NECAB1: variants seen among roughly 807,000 people sequenced by gnomAD.
NECAB1 encodes the protein N-terminal EF-hand calcium-binding protein 1.
A neutral mutation model predicts 57.5 loss-of-function variants in NECAB1; 29 were observed. The observed-to-expected ratio is 0.50, with a 90% CI of 0.38 to 0.69. The LOEUF is 0.69. Among genes scored for constraint, NECAB1 ranks in the 30% least tolerant of loss-of-function variants. The pLI is 0.00. For synonymous variants in NECAB1, 142 were observed against 147.7 expected (o/e 0.96, Z 0.28); for missense variants, 372 against 413.8 (o/e 0.90, Z 0.88).
intron 5 of NECAB1, among the ~76,000 whole-genome samples, chr8:90,909,064 T>C (rs1809763959): frequency 6.6e-6 from 1 of 152,164 alleles, no homozygotes; most frequent in Admixed American, 6.6e-5. Context: ...AGTAAGCACG[T>C]TCTTCTGAAC....
At chr8:90,914,593 C>T (rs1406959711) in intron 5 of NECAB1, among the ~76,000 whole-genome samples, 1 of 152,208 alleles carries the variant, frequency 6.6e-6, no homozygotes, top group East Asian at 1.9e-4. Flanking sequence ...ATGTATCAAC[C>T]AACTGGGTTC....
chr8:90,943,037 A>C (rs188514014), intron 10 of NECAB1, among the ~76,000 whole-genome samples: 38 of 140,812 alleles, frequency 2.7e-4, no homozygotes, highest in African/African-American at 1.1e-3. Context: ...TGCATGTTTT[A>C]TATTTATAAA....
chr8:90,859,000 T>A (rs982839705), intron 3 of NECAB1: 2 of 152,146 alleles, frequency 1.3e-5, no homozygotes, highest in Non-Finnish European at 2.9e-5. Context: ...GAAATTCCTT[T>A]GGAATTCCCC....
intron 6 of NECAB1, among the ~76,000 whole-genome samples, 187 bp from the exon 7 acceptor site, chr8:90,925,346 CTT>C (rs1304673243): frequency 1.3e-5 from 2 of 152,186 alleles, no homozygotes; most frequent in Non-Finnish European, 2.9e-5. Flanking sequence ...TCAGAATTCT[CTT>C]TCTTAGGTTC....
chr8:90,798,768 C>T (rs1193715802), intron 1 of NECAB1, among the ~76,000 whole-genome samples: 2 of 152,134 alleles, frequency 1.3e-5, no homozygotes, highest in East Asian at 3.9e-4. Context: ...ATACGAGTGC[C>T]ATGTGTCTTT....
chr8:90,796,023 C>A (rs573773418), intron 1 of NECAB1, among the ~76,000 whole-genome samples: 9 of 152,290 alleles, frequency 5.9e-5, no homozygotes, highest in Admixed American at 5.2e-4. Context: ...TACACTTAGT[C>A]TTACTGTTAT....
rs1053144800 is a variant in NECAB1 at position 90,957,294 on chromosome 8, G to A, written c.*1782G>A. On this transcript the variant is annotated 3_prime_UTR_variant, in exon 13 of 13. Transcript: ENST00000417640. Reference sequence around the variant, plus strand: ...TTATAGCCAATCAAAACATTGCTTTGGTTGGTGCATTTAAGTATCCAACTC... The same window carrying A: ...TTATAGCCAATCAAAACATTGCTTTAGTTGGTGCATTTAAGTATCCAACTC... 1 of 151,846 alleles carries A rather than the reference G, an allele frequency of 6.6e-6. No homozygotes were observed. Among genetic ancestry groups the A allele is most frequent in the Admixed American group, 6.6e-5 (1 of 15,202 alleles). The allele number at this position is 151,846 out of a possible 1,614,324, so 9.4% of individuals were successfully genotyped here.
intron 8 of NECAB1, among the ~76,000 whole-genome samples, chr8:90,931,018 C>A (rs1810392350): frequency 8.0e-6 from 1 of 124,884 alleles, no homozygotes; most frequent in Non-Finnish European, 1.6e-5. Flanking sequence ...CAAACTTATG[C>A]CTTTTTTTCT....
At chr8:90,872,090 A>G (rs1808631266) in intron 3 of NECAB1, 38 bp from the exon 4 acceptor site, 1 of 1,493,414 alleles carries the variant, frequency 6.7e-7, no homozygotes, top group Non-Finnish European at 9.1e-7. Flanking sequence ...AATATTACCA[A>G]AGTAATAACA....
chr8:90,915,955 C>A (rs1198818129), intron 5 of NECAB1, among the ~76,000 whole-genome samples: 1 of 152,218 alleles, frequency 6.6e-6, no homozygotes, highest in Non-Finnish European at 1.5e-5. Flanking sequence ...TTTATTCTAG[C>A]CATTCTGGCA....
chr8:90,808,649 T>C (rs1811898389), intron 2 of NECAB1, among the ~76,000 whole-genome samples: 2 of 138,942 alleles, frequency 1.4e-5, no homozygotes, highest in African/African-American at 2.7e-5. Flanking sequence ...TCTTTTTTTT[T>C]TTTTTTTTTT....
chr8:90,792,019 T>G, intron 1 of NECAB1, 34 bp downstream of exon 1: 104 of 1,503,146 alleles, frequency 6.9e-5, no homozygotes, highest in Middle Eastern at 3.4e-4. Flanking sequence ...GGCGGTTGCT[T>G]CCCAGCACCT....
At chr8:90,872,393 G>A (rs958787545) in intron 4 of NECAB1, 86 of 382,696 alleles carry the variant, frequency 2.2e-4, no homozygotes, top group African/African-American at 1.2e-3. Context: ...GTTACAATCA[G>A]TACATTAGTT....
rs113711200 is a variant in NECAB1, at chr8:90,837,769, C to T, written c.233+12944C>T. Among the ~76,000 whole-genome samples the T allele has an allele frequency of 2.3e-4, 35 of 152,314 alleles. 1 individual carries two copies. Among genetic ancestry groups the T allele is most frequent in the African/African-American group, 8.2e-4 (34 of 41,572 alleles). On this transcript the variant is annotated intron_variant, in intron 3 of 12. Transcript: ENST00000417640. Reference sequence around the variant, plus strand: ...CTCTCTGCCTCTTGTTGCTCTCTTGCTGTGATCCTTTTCCAAGCTTGAGCT... The same window carrying T: ...CTCTCTGCCTCTTGTTGCTCTCTTGTTGTGATCCTTTTCCAAGCTTGAGCT...
chr8:90,827,158 A>G (rs1812238754), intron 3 of NECAB1, among the ~76,000 whole-genome samples: 1 of 152,012 alleles, frequency 6.6e-6, no homozygotes, highest in Non-Finnish European at 1.5e-5. Context: ...AATTATTTTA[A>G]CAAATGCACT....
chr8:90,955,190 C>T (rs1811009115), intron 12 of NECAB1, among the ~76,000 whole-genome samples: 1 of 127,702 alleles, frequency 7.8e-6, no homozygotes, highest in Non-Finnish European at 1.6e-5. Context: ...CTAATAAGAA[C>T]AATAGCATGA....
chr8:90,929,670 T>G (rs1810360467), intron 8 of NECAB1, among the ~76,000 whole-genome samples: 1 of 152,138 alleles, frequency 6.6e-6, no homozygotes, highest in African/African-American at 2.4e-5. Context: ...CAGAGCACAG[T>G]ACAGAAAGAA....
chr8:90,942,839 G>T (rs542418291), intron 10 of NECAB1, among the ~76,000 whole-genome samples: 1 of 152,134 alleles, frequency 6.6e-6, no homozygotes, highest in Admixed American at 6.5e-5. Context: ...CCGAGATCGC[G>T]CTACTGCACC....
chr8:90,852,762 T>C (rs1294442131), intron 3 of NECAB1, among the ~76,000 whole-genome samples: 3 of 152,196 alleles, frequency 2.0e-5, no homozygotes, highest in Admixed American at 2.0e-4. Context: ...ATTATGTGTC[T>C]GCCCTGTCTC....
Sources: gnomAD v4.1 joint callset for allele counts (sites outside exome capture counted in the v4.1 genomes callset) on GRCh38, gnomAD v4.1.1 for gene constraint, MANE v1.5 for transcripts, NCBI Gene and HGNC (gene_info 2026-07-23, HGNC 2026-07-21) for gene names.